The following PHF24 variants were observed in gnomAD, a reference collection of about 807,000 sequenced individuals.
PHF24 encodes the protein Galpha inhibitory interacting protein.
PHF24 carries 25 observed loss-of-function variants against 42.6 expected under a neutral mutation model. The observed-to-expected ratio is 0.59, with a 90% CI of 0.43 to 0.82. PHF24 has a LOEUF of 0.82. PHF24 is among the 40% of genes least tolerant of loss of function. The pLI is 0.00. For synonymous variants in PHF24, 185 were observed against 204.8 expected, an observed-to-expected ratio of 0.90 and a Z score of 0.83; for missense variants, 470 against 538.1, an observed-to-expected ratio of 0.87 and a Z score of 1.25.
At chr9:34,907,172 A>G in the PHF24 span, among the ~76,000 whole-genome samples, 2 of 152,160 alleles carry the variant, frequency 1.3e-5, no homozygotes, top group African/African-American at 2.4e-5. Context: ...GAGATCACCC[A>G]GGGAACTTTA....
chr9:34,963,398 C>A lies in PHF24; in HGVS notation c.-5+4997C>A, dbSNP rs114659721. ...GTGTTGATTTTCCACACTCTTGCAG[C>A]TGGTCACCTTCTGTGTTAGGCATAT... On this transcript the variant is annotated intron_variant, in intron 1 of 7. Coordinates refer to ENST00000242315, the Ensembl canonical transcript of PHF24. Among the ~76,000 whole-genome samples, 534 of 152,010 alleles carry A rather than the reference C, an allele frequency of 3.5e-3. 2 individuals are homozygous for A. Among genetic ancestry groups the A allele is most frequent in the African/African-American group, 0.012 (512 of 41,446 alleles).
chr9:34,848,517 A>G, the PHF24 span, among the ~76,000 whole-genome samples: 1 of 151,828 alleles, frequency 6.6e-6, no homozygotes, highest in Non-Finnish European at 1.5e-5. Flanking sequence ...TTTGCTAGCG[A>G]TCTATCAATT....
At chr9:34,767,851 C>T in the PHF24 span, among the ~76,000 whole-genome samples, 2 of 152,228 alleles carry the variant, frequency 1.3e-5, no homozygotes, top group Admixed American at 1.3e-4. Context: ...ATCTTGGCTG[C>T]CCCCATTGTC....
the PHF24 span, among the ~76,000 whole-genome samples, chr9:34,819,956 A>C: frequency 2.6e-5 from 4 of 152,018 alleles, no homozygotes; most frequent in African/African-American, 9.7e-5. Flanking sequence ...TGTTTCCTGT[A>C]CTTTGATGCT....
the PHF24 span, among the ~76,000 whole-genome samples, chr9:34,848,850 C>T: frequency 1.3e-5 from 2 of 152,252 alleles, no homozygotes; most frequent in South Asian, 4.2e-4. Flanking sequence ...GCCTTCATTT[C>T]ATTATGTACC....
the PHF24 span, among the ~76,000 whole-genome samples, chr9:34,749,091 T>C: frequency 6.6e-6 from 1 of 151,886 alleles, no homozygotes; most frequent in Admixed American, 6.6e-5. Context: ...TGTCTCTTAA[T>C]TGTAGAATTG....
At chr9:34,783,208 A>T in the PHF24 span, among the ~76,000 whole-genome samples, 1 of 152,184 alleles carries the variant, frequency 6.6e-6, no homozygotes, top group Non-Finnish European at 1.5e-5. Context: ...TGATGCTTCA[A>T]CCAGGACCAC....
At chr9:34,897,183 A>G in the PHF24 span, among the ~76,000 whole-genome samples, 1 of 152,162 alleles carries the variant, frequency 6.6e-6, no homozygotes, top group South Asian at 2.1e-4. Context: ...ATCTCTGAAA[A>G]GGGTATTTGA....
At chr9:34,676,677 G>A in the PHF24 span, among the ~76,000 whole-genome samples, 1 of 152,190 alleles carries the variant, frequency 6.6e-6, no homozygotes, top group Admixed American at 6.5e-5. Context: ...TAAGAAAAAA[G>A]GTTTAGTTGG....
the PHF24 span, chr9:34,723,248 G>T: frequency 6.4e-7 from 1 of 1,551,668 alleles, no homozygotes; most frequent in Non-Finnish European, 8.7e-7. Context: ...TGGGTGCCCT[G>T]GTTTGTTGGC....
the PHF24 span, among the ~76,000 whole-genome samples, chr9:34,828,448 CCT>C: frequency 1.3e-5 from 2 of 152,026 alleles, no homozygotes; most frequent in African/African-American, 4.8e-5. Flanking sequence ...TTTCAAAAAC[CCT>C]CTCTGAATCC....
chr9:34,882,965 A>G, the PHF24 span, among the ~76,000 whole-genome samples: 1 of 152,204 alleles, frequency 6.6e-6, no homozygotes, highest in South Asian at 2.1e-4. Flanking sequence ...TTCAAACTAT[A>G]CTACAAGGCT....
chr9:34,830,523 T>C, the PHF24 span, among the ~76,000 whole-genome samples: 3 of 152,118 alleles, frequency 2.0e-5, no homozygotes, highest in Non-Finnish European at 4.4e-5. Context: ...AAGGACAAGG[T>C]CCCCTTAGGT....
At chr9:34,891,317 A>G in the PHF24 span, among the ~76,000 whole-genome samples, 1 of 152,212 alleles carries the variant, frequency 6.6e-6, no homozygotes, top group Non-Finnish European at 1.5e-5. Context: ...ATACTGCAGA[A>G]CCAGTGATTT....
chr9:34,796,258 A>G, the PHF24 span, among the ~76,000 whole-genome samples: 1 of 152,274 alleles, frequency 6.6e-6, no homozygotes, highest in East Asian at 1.9e-4. Flanking sequence ...AGTATAAAAT[A>G]TAAAACTATA....
chr9:34,841,633 AGATTACCTGAAGTCAGGG>A, the PHF24 span, among the ~76,000 whole-genome samples: 1 of 152,168 alleles, frequency 6.6e-6, no homozygotes, highest in Admixed American at 6.5e-5. Context: ...CGAGGCAGGC[AGATTACCTGAAGTCAGGG>A]GTTTAAGACT....
chr9:34,737,603 A>G, the PHF24 span, among the ~76,000 whole-genome samples: 1 of 152,270 alleles, frequency 6.6e-6, no homozygotes, highest in Non-Finnish European at 1.5e-5. Context: ...TAACTTTTTG[A>G]GGACCTATCA....
the PHF24 span, among the ~76,000 whole-genome samples, chr9:34,755,102 G>GT: frequency 1.3e-5 from 2 of 151,918 alleles, no homozygotes; most frequent in African/African-American, 4.8e-5. Flanking sequence ...TGGTTAATAG[G>GT]TAAAAAAATA....
the PHF24 span, among the ~76,000 whole-genome samples, chr9:34,785,797 G>A: frequency 1.3e-5 from 2 of 152,130 alleles, no homozygotes; most frequent in East Asian, 3.9e-4. Flanking sequence ...CCTTTCTGGA[G>A]AGGGTTTCCC....
Sources: gnomAD v4.1 joint callset for allele counts (sites outside exome capture counted in the v4.1 genomes callset) on GRCh38, gnomAD v4.1.1 for gene constraint, MANE v1.5 for transcripts, NCBI Gene and HGNC (gene_info 2026-07-23, HGNC 2026-07-21) for gene names.